Variants in EPB41L4A observed in about 807,000 individuals in gnomAD.
The protein encoded by EPB41L4A is band 4.1-like protein 4A.
Under a neutral mutation model 108.6 loss-of-function variants are expected in EPB41L4A, and 100 were observed. The observed-to-expected ratio is 0.92, with a 90% CI of 0.78 to 1.09. EPB41L4A has a LOEUF of 1.09. EPB41L4A is among the 50% of genes least tolerant of loss of function. The pLI is 0.00. For synonymous variants in EPB41L4A, 319 were observed against 289.0 expected, an observed-to-expected ratio of 1.10 and a Z score of -1.05; for missense variants, 1,030 against 842.7, an observed-to-expected ratio of 1.22 and a Z score of -2.75.
chr5:112,203,275 G>C (rs1379404303), intron 15 of EPB41L4A, among the ~76,000 whole-genome samples: 2 of 151,954 alleles, frequency 1.3e-5, no homozygotes, highest in Non-Finnish European at 2.9e-5. Flanking sequence ...AGAATCGCTC[G>C]AACCCAGGGG....
At chr5:112,381,607 A>C (rs1358897258) in intron 1 of EPB41L4A, among the ~76,000 whole-genome samples, 2 of 152,258 alleles carry the variant, frequency 1.3e-5, no homozygotes, top group East Asian at 3.8e-4. Context: ...TGGGAAATCT[A>C]GAAAACCAAG....
intron 15 of EPB41L4A, among the ~76,000 whole-genome samples, chr5:112,197,519 C>T (rs529017156): frequency 2.0e-5 from 3 of 152,128 alleles, no homozygotes; most frequent in Non-Finnish European, 2.9e-5. Context: ...TGATTCCATT[C>T]TTTTGTAGGT....
chr5:112,218,500 C>A (rs1747813013), intron 12 of EPB41L4A, among the ~76,000 whole-genome samples: 1 of 152,162 alleles, frequency 6.6e-6, no homozygotes, highest in Non-Finnish European at 1.5e-5. Context: ...TGACACACAC[C>A]AAACATTCTC....
intron 2 of EPB41L4A, among the ~76,000 whole-genome samples, chr5:112,292,988 A>G (rs1561545545): frequency 6.6e-6 from 1 of 152,206 alleles, no homozygotes; most frequent in Non-Finnish European, 1.5e-5. Flanking sequence ...ACTTATGTAT[A>G]TAACTAAGAA....
At chr5:112,401,656 C>A (rs958517187) in intron 1 of EPB41L4A, among the ~76,000 whole-genome samples, 4 of 152,084 alleles carry the variant, frequency 2.6e-5, no homozygotes, top group African/African-American at 9.7e-5. Context: ...TCTTTATTGA[C>A]TCTCACCCTT....
At chr5:112,238,216 C>G (rs919167872) in intron 11 of EPB41L4A, among the ~76,000 whole-genome samples, 2 of 152,150 alleles carry the variant, frequency 1.3e-5, no homozygotes, top group Non-Finnish European at 2.9e-5. Flanking sequence ...ACTGGAAGAA[C>G]AGTCCAAGTA....
intron 5 of EPB41L4A, among the ~76,000 whole-genome samples, chr5:112,265,309 A>G (rs2150456510): frequency 6.6e-6 from 1 of 152,358 alleles, no homozygotes; most frequent in East Asian, 1.9e-4. Flanking sequence ...AAAATGTTGT[A>G]AACAGCATTT....
At chr5:112,387,809 T>A (rs1212991045) in intron 1 of EPB41L4A, among the ~76,000 whole-genome samples, 1 of 152,210 alleles carries the variant, frequency 6.6e-6, no homozygotes, top group Non-Finnish European at 1.5e-5. Context: ...ATTGTCCATT[T>A]TATTAAAATG....
intron 14 of EPB41L4A, 58 bp downstream of exon 14, chr5:112,205,363 C>G: frequency 7.2e-7 from 1 of 1,381,608 alleles, no homozygotes; most frequent in Non-Finnish European, 1.0e-6. Flanking sequence ...ATTCAATGAG[C>G]TGCATGTACT....
At chr5:112,413,119 A>AT (rs982205771) in intron 1 of EPB41L4A, among the ~76,000 whole-genome samples, 4 of 152,206 alleles carry the variant, frequency 2.6e-5, no homozygotes, top group Admixed American at 1.3e-4. Context: ...ATGAGGATCT[A>AT]TTTTCCATTT....
Position 112,184,083 on chromosome 5 carries a change from A to C in EPB41L4A, c.1555T>G (p.Leu519Val). The change falls in exon 18 of 23, where the codon TTA becomes GTA. Residue 519 changes from leucine to valine, a missense_variant. Coordinates refer to ENST00000261486, the MANE Select transcript of EPB41L4A (RefSeq NM_022140.5). ...VDSAPQWEAVLRRQKEKNQAD... is the reference protein window; with the variant it reads ...VDSAPQWEAVVRRQKEKNQAD... Reference sequence around the variant, plus strand: ...TGGTTTTTTTCCTTTTGTCTCCTTAATACAGCTTCCCACTGAGGCGCTGAA... The same window carrying C: ...TGGTTTTTTTCCTTTTGTCTCCTTACTACAGCTTCCCACTGAGGCGCTGAA... 1.2e-6 allele frequency: 2 copies of C among 1,614,036 alleles called. No individual in the cohort carries two copies. Among genetic ancestry groups the C allele is most frequent in the Non-Finnish European group, 1.7e-6 (2 of 1,179,958 alleles).
At chr5:112,395,020 G>C (rs373861362) in intron 1 of EPB41L4A, among the ~76,000 whole-genome samples, 1 of 152,102 alleles carries the variant, frequency 6.6e-6, no homozygotes, top group Non-Finnish European at 1.5e-5. Context: ...AATAAATGGT[G>C]CTGGGAAAAC....
At chr5:112,282,601 C>T (rs1389320965) in intron 2 of EPB41L4A, among the ~76,000 whole-genome samples, 1 of 152,150 alleles carries the variant, frequency 6.6e-6, no homozygotes, top group Non-Finnish European at 1.5e-5. Context: ...GGACCGTATT[C>T]CCTAGAGCAC....
At chr5:112,280,509 G>A (rs1389725419) in intron 2 of EPB41L4A, among the ~76,000 whole-genome samples, 186 bp from the exon 3 acceptor site, 3 of 152,034 alleles carry the variant, frequency 2.0e-5, no homozygotes, top group African/African-American at 7.2e-5. Flanking sequence ...GAAAAAATAG[G>A]CCAGGCACGG....
chr5:112,162,063 G>T (rs1054532390), downstream of EPB41L4A: 1 of 152,228 alleles, frequency 6.6e-6, no homozygotes, highest in African/African-American at 2.4e-5. Context: ...AAAAGCTTGT[G>T]AAATCGCAGG....
At chr5:112,396,049 TGAG>T (rs1157059401) in intron 1 of EPB41L4A, among the ~76,000 whole-genome samples, 1 of 151,762 alleles carries the variant, frequency 6.6e-6, no homozygotes, top group East Asian at 1.9e-4. Context: ...AACTGAACAA[TGAG>T]AACACTTGGA....
chr5:112,270,317 G>A (rs1752170708), intron 4 of EPB41L4A, among the ~76,000 whole-genome samples: 1 of 152,172 alleles, frequency 6.6e-6, no homozygotes, highest in Non-Finnish European at 1.5e-5. Context: ...GGAGAACCTA[G>A]AGGAGAGTAC....
chr5:112,179,440 GC>G (rs1761036489), intron 18 of EPB41L4A, among the ~76,000 whole-genome samples: 1 of 152,070 alleles, frequency 6.6e-6, no homozygotes, highest in Non-Finnish European at 1.5e-5. Context: ...ACAAGGTAAT[GC>G]CAAATAGAAT....
chr5:112,287,389 G>A (rs1039939241), intron 2 of EPB41L4A, among the ~76,000 whole-genome samples: 17 of 152,110 alleles, frequency 1.1e-4, no homozygotes, highest in African/African-American at 3.9e-4. Flanking sequence ...TGCAAATCTT[G>A]TTGGCTCTAT....
Sources: gnomAD v4.1 joint callset for allele counts (sites outside exome capture counted in the v4.1 genomes callset) on GRCh38, gnomAD v4.1.1 for gene constraint, MANE v1.5 for transcripts, NCBI Gene and HGNC (gene_info 2026-07-23, HGNC 2026-07-21) for gene names.